The following CHST6 variants were observed in gnomAD, a reference collection of about 807,000 sequenced individuals.
The protein encoded by CHST6 is N-acetylglucosamine 6-O-sulfotransferase 5.
For synonymous variants in CHST6, 309 were observed against 276.4 expected (o/e 1.12, Z -1.17); for missense variants, 698 against 586.2 (o/e 1.19, Z -1.97).
rs1567408274 is a variant in CHST6 at position 75,478,743 on chromosome 16, G to A, written c.1086C>T (p.Tyr362=). 4 of 1,613,580 alleles carry A rather than the reference G, an allele frequency of 2.5e-6. No homozygotes were observed. The highest frequency in any genetic ancestry group is 1.1e-5 in the South Asian group (1 of 91,088). ...CGAGGTTGCGCTGCTCGTCCTCAGA[G>A]TACACAGGCCGGTAGCCCAGCAGCT... ...ALQLLGYRPV[Y]SEDEQRNLAL... The change falls in exon 3 of 3, where the codon TAC becomes TAT. Residue 362 remains tyrosine, a synonymous_variant. Transcript: ENST00000332272.
rs2080084970 is a variant in CHST6 at position 75,478,020 on chromosome 16, C to T, written c.*621G>A. 1 of 159,892 alleles carries T rather than the reference C, an allele frequency of 6.3e-6. No homozygotes were observed. Among genetic ancestry groups the T allele is most frequent in the Middle Eastern group, 3.1e-3 (1 of 322 alleles). The allele number at this position is 159,892 out of a possible 1,614,324, so 9.9% of individuals were successfully genotyped here. The stretch of plus-strand genomic sequence containing the variant: ...CCTCCTCTATCTCTCAGCTGTGTCC[C>T]TGGTCATGACTCTGCTTGCTCTTCC... On this transcript the variant is annotated 3_prime_UTR_variant, in exon 3 of 3. Coordinates refer to ENST00000332272, the MANE Select transcript of CHST6 (RefSeq NM_021615.5).
intron 1 of CHST6, among the ~76,000 whole-genome samples, chr16:75,487,850 G>GC (rs2080217713): frequency 6.8e-6 from 1 of 146,530 alleles, no homozygotes; most frequent in South Asian, 2.2e-4. Context: ...ACAAAAATTA[G>GC]CCAGGTGTGG....
rs1370657583 is a variant in CHST6 at position 75,478,947 on chromosome 16, A to G, written c.882T>C (p.Ser294=). 2.5e-6 allele frequency: 4 copies of G among 1,613,028 alleles called. No individual in the cohort carries two copies. Among genetic ancestry groups the G allele is most frequent in the Non-Finnish European group, 3.4e-6 (4 of 1,179,952 alleles). ...TCCAGGCCTCGAGCTGTGGCGTGAG[A>G]CTGAGCCCAGTGAAGGCGTAGAGCG... The part of the protein sequence containing the change: ...IRALYAFTGL[S]LTPQLEAWIH... Residue 294 remains serine, a synonymous_variant, in exon 3 of 3, where the codon AGT becomes AGC. Coordinates refer to ENST00000332272, the MANE Select transcript of CHST6 (RefSeq NM_021615.5).
intron 1 of CHST6, among the ~76,000 whole-genome samples, chr16:75,493,775 T>C (rs768702522): frequency 1.4e-4 from 22 of 152,296 alleles, no homozygotes; most frequent in African/African-American, 4.1e-4. Context: ...AGCAACAGAA[T>C]GTGGCAGGCA....
At chr16:75,488,518 C>T (rs1390530172) in intron 1 of CHST6, among the ~76,000 whole-genome samples, 3 of 150,742 alleles carry the variant, frequency 2.0e-5, no homozygotes, top group Admixed American at 2.0e-4. Context: ...AAAAAACATA[C>T]CCAATGAGGA....
Position 75,475,772 on chromosome 16 carries a change from T to C in CHST6, c.*2869A>G, listed in dbSNP as rs1356780745. On this transcript the variant is annotated 3_prime_UTR_variant, in exon 3 of 3. Transcript: ENST00000332272. ...TGGATGGGTCATACAACAAAGGACTTGGATACCAAGAGGCCATTAATTGCA... is the reference window on the plus strand; with the variant it reads ...TGGATGGGTCATACAACAAAGGACTCGGATACCAAGAGGCCATTAATTGCA... 1 of 152,146 alleles carries C rather than the reference T, an allele frequency of 6.6e-6. No homozygotes were observed. The highest frequency in any genetic ancestry group is 1.9e-4 in the East Asian group (1 of 5,188). The allele number at this position is 152,146 out of a possible 1,614,324, so 9.4% of individuals were successfully genotyped here.
chr16:75,490,209 T>C lies in CHST6; in HGVS notation c.-92+4731A>G, dbSNP rs945027413. ...AAAAAAAAAAAAAGGCCGGGCACAG[T>C]GGCTCACGCCTGTAATCCCAGCACT... is the stretch of plus-strand genomic sequence containing the variant. On this transcript the variant is annotated intron_variant, in intron 1 of 2. Coordinates refer to ENST00000332272, the MANE Select transcript of CHST6 (RefSeq NM_021615.5). Among the ~76,000 whole-genome samples, 3 of 138,424 alleles carry C rather than the reference T, an allele frequency of 2.2e-5. No homozygotes were observed. In the Admixed American group the frequency reaches 2.3e-4, roughly 11 times the overall value. The allele number at this position is 138,424 out of a possible 152,430, so 90.8% of individuals were successfully genotyped here. A position where few individuals can be genotyped will look rare whatever the true frequency, so the allele number is the denominator to read the frequency against.
In CHST6 at chr16:75,481,907, G is replaced by C. The variant is rs2080146023; in HGVS notation, c.-91-16C>G. The stretch of plus-strand genomic sequence containing the variant: ...TCCTCAGCACCTGGTAAAGCAGGAG[G>C]GCGATGGAGTCACACTCTACAGGGG... On this transcript the variant is annotated splice_polypyrimidine_tract_variant and intron_variant, in intron 1 of 2. Coordinates refer to ENST00000332272, the MANE Select transcript of CHST6 (RefSeq NM_021615.5). 2.1e-6 allele frequency: 1 copy of C among 468,702 alleles called. No homozygotes were observed. Among genetic ancestry groups the C allele is most frequent in the Non-Finnish European group, 4.4e-6 (1 of 229,440 alleles). The allele number at this position is 468,702 out of a possible 1,614,324, so 29.0% of individuals were successfully genotyped here. A position where few individuals can be genotyped will look rare whatever the true frequency, so the allele number is the denominator to read the frequency against.
intron 2 of CHST6, 21 bp from the exon 3 acceptor site, chr16:75,479,865 G>A (rs768192163): frequency 4.6e-6 from 7 of 1,533,952 alleles, no homozygotes; most frequent in Middle Eastern, 2.2e-4. Flanking sequence ...AGAGCGCAGC[G>A]GTTAGGGGCT....
rs72547540 is a variant in CHST6 at position 75,479,083 on chromosome 16, T to G, written c.746A>C (p.His249Pro). The G allele has an allele frequency of 1.2e-6, 2 of 1,605,466 alleles. No homozygotes were observed. The highest frequency in any genetic ancestry group is 1.7e-6 in the Non-Finnish European group (2 of 1,179,128). Residue 249 changes from histidine (H) to proline (P), a missense_variant, in exon 3 of 3, where the codon CAC becomes CCC. Physicochemically the swap from His to Pro is moderately conservative, Grantham distance 77. Transcript: ENST00000332272. ...TGTGGCGGCCTCGGCGATGCGTACG[T>G]GGCTACGGCACACCTCGCGCACCAC... ...LRVVREVCRS[H>P]VRIAEAATLK...
intron 2 of CHST6, 45 bp from the exon 3 acceptor site, chr16:75,479,889 C>T: frequency 6.7e-7 from 1 of 1,493,698 alleles, no homozygotes. Context: ...GCCTGCACGC[C>T]CATCCCGTAC....
At chr16:75,488,549 A>G (rs1459754299) in intron 1 of CHST6, among the ~76,000 whole-genome samples, 1 of 152,238 alleles carries the variant, frequency 6.6e-6, no homozygotes, top group East Asian at 1.9e-4. Flanking sequence ...TTGAGGCATC[A>G]AGAGCTACAA....
intron 1 of CHST6, among the ~76,000 whole-genome samples, chr16:75,491,256 T>TA (rs2080254721): frequency 7.1e-6 from 1 of 141,750 alleles, no homozygotes; most frequent in Admixed American, 7.2e-5. Flanking sequence ...ATATAAACTT[T>TA]AACATACATG....
Position 75,478,262 on chromosome 16 carries a change from C to T in CHST6, c.*379G>A. On this transcript the variant is annotated 3_prime_UTR_variant, in exon 3 of 3. Transcript: ENST00000332272. ...CTCTGGAGCCATTTCACCACAGTGC[C>T]TCTCCACTCCCAGCCAGTGCCAGGG... The T allele has an allele frequency of 2.8e-6, 1 of 357,970 alleles. No homozygotes were observed. Among genetic ancestry groups the T allele is most frequent in the Non-Finnish European group, 5.3e-6 (1 of 187,258 alleles). 22.2% of individuals were successfully genotyped at this position (357,970 alleles called of 1,614,324 possible). A position where few individuals can be genotyped will look rare whatever the true frequency, so the allele number is the denominator to read the frequency against.
At position 75,472,286 on chromosome 16, in the gene CHST6, T is replaced by G. The variant is rs913336228; in HGVS notation, c.*6355A>C. ...ATATCAATTATAGCTCAATGAAGCT[T>G]CTTTTTTTTTAAGAAGCCTGAGGGG... On this transcript the variant is annotated 3_prime_UTR_variant, in exon 3 of 3. Coordinates refer to ENST00000332272, the MANE Select transcript of CHST6 (RefSeq NM_021615.5). 12 of 152,194 alleles carry G rather than the reference T, an allele frequency of 7.9e-5. No individual in the cohort carries two copies. Among genetic ancestry groups the G allele is most frequent in the Non-Finnish European group, 2.9e-5 (2 of 68,034 alleles). The allele number at this position is 152,194 out of a possible 1,614,324, so 9.4% of individuals were successfully genotyped here.
chr16:75,480,570 AT>A (rs34408881), intron 2 of CHST6, among the ~76,000 whole-genome samples: 18,447 of 149,416 alleles, frequency 0.12, 2,625 homozygotes, highest in African/African-American at 0.35. Flanking sequence ...GCAGTGTATG[AT>A]TTTTTTTTTT....
At chr16:75,493,041 T>C (rs929191608) in intron 1 of CHST6, among the ~76,000 whole-genome samples, 1 of 152,062 alleles carries the variant, frequency 6.6e-6, no homozygotes, top group South Asian at 2.1e-4. Flanking sequence ...CCCAGAACAA[T>C]CTTGTTCATG....
rs1313637616 is a variant in CHST6 at position 75,480,933 on chromosome 16, AAAAAAAAAAAAAAG to A, written c.-17+870_-17+883del. On this transcript the variant is annotated intron_variant, in intron 2 of 2. Coordinates refer to ENST00000332272, the MANE Select transcript of CHST6 (RefSeq NM_021615.5). ...CAAGAGCAAAACTTCATTCCAAAAA[AAAAAAAAAAAAAAG>A]AAAAGAAAAGAAAAGAAGCAAATAG... Among the ~76,000 whole-genome samples the A allele has an allele frequency of 2.7e-5, 3 of 110,728 alleles. No individual in the cohort carries two copies. In the East Asian group the frequency reaches 8.2e-4, roughly 30 times the overall value. 72.6% of individuals were successfully genotyped at this position (110,728 alleles called of 152,430 possible). A position where few individuals can be genotyped will look rare whatever the true frequency, so the allele number is the denominator to read the frequency against.
At chr16:75,484,264 G>T (rs2080171977) in intron 1 of CHST6, among the ~76,000 whole-genome samples, 1 of 152,128 alleles carries the variant, frequency 6.6e-6, no homozygotes, top group African/African-American at 2.4e-5. Context: ...TTGAATCCAG[G>T]AGGTGGAGGT....
Sources: allele counts gnomAD v4.1 joint callset (sites outside exome capture counted in the v4.1 genomes callset), GRCh38; gene constraint gnomAD v4.1.1; transcripts MANE v1.5; gene names NCBI Gene and HGNC (gene_info 2026-07-23, HGNC 2026-07-21).